DDX1: variants seen among roughly 807,000 people sequenced by gnomAD.
DDX1 encodes the protein ATP-dependent RNA helicase DDX1.
DDX1 carries 28 observed loss-of-function variants against 108.7 expected under a neutral mutation model. The ratio of observed to expected loss-of-function variants is 0.26; its 90% CI spans 0.19 to 0.35. The LOEUF (loss-of-function observed/expected upper bound fraction) is 0.35. Among genes scored for constraint, DDX1 ranks in the 10% least tolerant of loss-of-function variants. The pLI, the probability that DDX1 is intolerant of heterozygous loss-of-function variation, is 1.00. For missense variants in DDX1, 710 were observed against 884.5 expected (o/e 0.80, Z 2.50); for synonymous variants, 295 against 288.9 (o/e 1.02, Z -0.21).
intron 19 of DDX1, among the ~76,000 whole-genome samples, chr2:15,625,498 A>G (rs143057791): frequency 6.6e-6 from 1 of 152,284 alleles, no homozygotes; most frequent in African/African-American, 2.4e-5. Flanking sequence ...CGAACTCTGT[A>G]CTGATGTCTG....
intron 18 of DDX1, among the ~76,000 whole-genome samples, chr2:15,622,806 A>G (rs1666033511): frequency 6.6e-6 from 1 of 152,228 alleles, no homozygotes; most frequent in South Asian, 2.1e-4. Context: ...AGAGATGATC[A>G]GAGAGACCTT....
chr2:15,597,336 T>C, intron 4 of DDX1, 39 bp from the exon 5 acceptor site: 3 of 1,268,708 alleles, frequency 2.4e-6, no homozygotes, highest in Non-Finnish European at 3.4e-6. Context: ...GTCGTTAATA[T>C]GTGAATACTA....
intron 12 of DDX1, among the ~76,000 whole-genome samples, chr2:15,606,844 G>A (rs1051608979): frequency 6.6e-6 from 1 of 152,026 alleles, no homozygotes; most frequent in Admixed American, 6.6e-5. Context: ...TTAAGAGAGG[G>A]GATCTCACTG....
chr2:15,624,924 C>T (rs772396818), intron 19 of DDX1, among the ~76,000 whole-genome samples: 1 of 152,128 alleles, frequency 6.6e-6, no homozygotes, highest in African/African-American at 2.4e-5. Context: ...GCTAAAAATG[C>T]TGTCTTATGG....
chr2:15,617,400 A>C (rs1665917478), intron 15 of DDX1, 58 bp downstream of exon 15: 4 of 979,080 alleles, frequency 4.1e-6, no homozygotes, highest in Non-Finnish European at 4.5e-6. Context: ...TTGAGATAAA[A>C]TATATAAAAT....
In DDX1 at chr2:15,628,855, C is replaced by G. The variant is rs1000220838; in HGVS notation, c.1875+16C>G. ...AAAAGAAAAGGTAATCTTTGTAGGGCTCTATTATATTCATTGTGTGTGTTG... is the reference window on the plus strand; with the variant it reads ...AAAAGAAAAGGTAATCTTTGTAGGGGTCTATTATATTCATTGTGTGTGTTG... On this transcript the variant is annotated intron_variant, in intron 23 of 25. Coordinates refer to ENST00000233084, the MANE Select transcript of DDX1 (RefSeq NM_004939.3). The G allele has an allele frequency of 5.6e-6, 9 of 1,604,430 alleles. No homozygotes were observed. Among genetic ancestry groups the G allele is most frequent in the Non-Finnish European group, 6.8e-6 (8 of 1,171,404 alleles).
Position 15,591,894 on chromosome 2 carries a change from G to T in DDX1, c.-40G>T. 6.8e-7 allele frequency: 1 copy of T among 1,468,226 alleles called. No individual in the cohort carries two copies. The highest frequency in any genetic ancestry group is 1.3e-5 in the South Asian group (1 of 74,570). The allele number at this position is 1,468,226 out of a possible 1,614,324, so 90.9% of individuals were successfully genotyped here. A position where few individuals can be genotyped will look rare whatever the true frequency, so the allele number is the denominator to read the frequency against. The stretch of plus-strand genomic sequence containing the variant: ...CTGCCACGCCGTGTCAGTCGGGAGG[G>T]AGGGAGCGAGCAGGCGAAGCCGCGG... On this transcript the variant is annotated 5_prime_UTR_variant, in exon 1 of 26. Coordinates refer to ENST00000233084, the MANE Select transcript of DDX1 (RefSeq NM_004939.3).
chr2:15,603,137 G>A (rs1665612312), intron 7 of DDX1, 55 bp from the exon 8 acceptor site: 4 of 1,212,910 alleles, frequency 3.3e-6, no homozygotes, highest in Non-Finnish European at 2.4e-6. Flanking sequence ...TGACTTCATG[G>A]TAAATGAATC....
At chr2:15,592,132 G>A (rs376403858) in intron 1 of DDX1, among the ~76,000 whole-genome samples, 183 bp downstream of exon 1, 1 of 152,236 alleles carries the variant, frequency 6.6e-6, no homozygotes, top group East Asian at 1.9e-4. Flanking sequence ...CTCGGGTTCG[G>A]AGGACGATTC....
rs1666045513 is a variant in DDX1 at position 15,623,588 on chromosome 2, T to G, written c.1594+6T>G. 1 of 1,610,900 alleles carries G rather than the reference T, an allele frequency of 6.2e-7. No individual in the cohort carries two copies. Among genetic ancestry groups the G allele is most frequent in the East Asian group, 2.2e-5 (1 of 44,760 alleles). ...CTTTATACAACAAGGAGGAGGTAAT[T>G]TTTTCTCACTTGAAATAAATTGTGT... On this transcript the variant is annotated splice_donor_region_variant and intron_variant, in intron 19 of 25. Coordinates refer to ENST00000233084, the MANE Select transcript of DDX1 (RefSeq NM_004939.3).
At chr2:15,608,026 T>C (rs1275814475) in intron 13 of DDX1, among the ~76,000 whole-genome samples, 1 of 152,210 alleles carries the variant, frequency 6.6e-6, no homozygotes, top group Non-Finnish European at 1.5e-5. Flanking sequence ...GATTGGTCAC[T>C]GTCTAGTTAT....
intron 14 of DDX1, among the ~76,000 whole-genome samples, chr2:15,613,714 G>C (rs1573045559): frequency 6.6e-6 from 1 of 152,270 alleles, no homozygotes; most frequent in Non-Finnish European, 1.5e-5. Flanking sequence ...GTTCCAGTGA[G>C]GAGAGACATG....
At position 15,624,098 on chromosome 2, in the gene DDX1, G is replaced by T. The variant is rs866468318; in HGVS notation, c.1594+516G>T. 2.6e-5 allele frequency among the ~76,000 whole-genome samples: 4 copies of T among 152,108 alleles called. No individual in the cohort carries two copies. In the South Asian group the frequency reaches 8.3e-4, roughly 32 times the overall value. On this transcript the variant is annotated intron_variant, in intron 19 of 25. Coordinates refer to ENST00000233084, the MANE Select transcript of DDX1 (RefSeq NM_004939.3). The stretch of plus-strand genomic sequence containing the variant: ...TTCTGTTATAAAGCATGGATTGTTG[G>T]ACTGGATGAAATCTAGCAATACGCT...
rs748171270 is a variant in DDX1, at chr2:15,602,651, A to G, written c.391+20A>G. ...TGAAAGGTATTTGAACAGCATCTGC[A>G]CTTGTATAAACTTTTGAGGCAAGGT... On this transcript the variant is annotated intron_variant, in intron 7 of 25. Transcript: ENST00000233084. 13 of 1,528,804 alleles carry G rather than the reference A, an allele frequency of 8.5e-6. No homozygotes were observed. The highest frequency in any genetic ancestry group is 1.2e-5 in the Non-Finnish European group (13 of 1,103,386). The allele number at this position is 1,528,804 out of a possible 1,614,324, so 94.7% of individuals were successfully genotyped here.
intron 10 of DDX1, 42 bp downstream of exon 10, chr2:15,604,551 A>G (rs1474050850): frequency 1.5e-6 from 2 of 1,295,640 alleles, no homozygotes; most frequent in African/African-American, 2.9e-5. Flanking sequence ...GATACATGAT[A>G]TTCAATAATT....
intron 17 of DDX1, 128 bp downstream of exon 17, chr2:15,620,524 C>T: frequency 3.2e-6 from 2 of 628,714 alleles, no homozygotes; most frequent in Non-Finnish European, 5.2e-6. Flanking sequence ...ACATCGTAAA[C>T]CCTTAGACCT....
chr2:15,622,970 A>G (rs1018917654), intron 18 of DDX1, among the ~76,000 whole-genome samples: 1 of 152,190 alleles, frequency 6.6e-6, no homozygotes, highest in African/African-American at 2.4e-5. Flanking sequence ...CGTAGAGTGA[A>G]GTATGAACTT....
chr2:15,597,414 C>G lies in DDX1; in HGVS notation c.202C>G (p.Leu68Val), dbSNP rs764996490. The G allele has an allele frequency of 6.2e-7, 1 of 1,608,828 alleles. No individual in the cohort carries two copies. The highest frequency in any genetic ancestry group is 8.5e-7 in the Non-Finnish European group (1 of 1,178,268). Residue 68 changes from leucine to valine, a missense_variant, in exon 5 of 26, where the codon CTG becomes GTG. Physicochemically the swap from Leu to Val is conservative, Grantham distance 32. Coordinates refer to ENST00000233084, the MANE Select transcript of DDX1 (RefSeq NM_004939.3). The stretch of plus-strand genomic sequence containing the variant: ...AGTTATCCAGATAGTTTATGAAACT[C>G]TGAAAGACCAACAGGAAGGCAAAAA... ...IPVIQIVYET[L>V]KDQQEGKKGK...
At chr2:15,616,586 T>C (rs970704366) in intron 14 of DDX1, among the ~76,000 whole-genome samples, 1 of 152,234 alleles carries the variant, frequency 6.6e-6, no homozygotes, top group African/African-American at 2.4e-5. Context: ...GTTTTCTCAT[T>C]GAATAGGGAT....
Sources: gnomAD v4.1 joint callset for allele counts (sites outside exome capture counted in the v4.1 genomes callset) on GRCh38, gnomAD v4.1.1 for gene constraint, MANE v1.5 for transcripts, NCBI Gene and HGNC (gene_info 2026-07-23, HGNC 2026-07-21) for gene names.